The following C19orf38 variants were observed in gnomAD, a reference collection of about 807,000 sequenced individuals.
C19orf38 encodes protein HIDE1.
A neutral mutation model predicts 26.6 loss-of-function variants in C19orf38; 14 were observed. The ratio of observed to expected loss-of-function variants is 0.53; its 90% CI spans 0.35 to 0.82. C19orf38 has a LOEUF of 0.82. C19orf38 is among the 40% of genes least tolerant of loss of function. C19orf38 has a pLI of 0.01. For missense variants in C19orf38, 261 were observed against 299.5 expected (o/e 0.87, Z 0.95); for synonymous variants, 132 against 128.5 (o/e 1.03, Z -0.18).
intron 2 of C19orf38, among the ~76,000 whole-genome samples, chr19:10,851,697 G>A (rs889601089): frequency 1.3e-5 from 2 of 151,998 alleles, no homozygotes; most frequent in African/African-American, 4.8e-5. Flanking sequence ...GGCTGGGCGT[G>A]GTGGCTCACG....
At chr19:10,850,708 A>G (rs2073564090) in intron 2 of C19orf38, 141 bp downstream of exon 2, 6 of 955,984 alleles carry the variant, frequency 6.3e-6, no homozygotes, top group African/African-American at 3.3e-5. Flanking sequence ...TCCTTTTTCA[A>G]TCTTCTCAGC....
chr19:10,859,841 G>A, intron 4 of C19orf38, 74 bp from the exon 5 acceptor site: 3 of 1,412,672 alleles, frequency 2.1e-6, no homozygotes, highest in Non-Finnish European at 2.9e-6. Flanking sequence ...TTGGGGCCAG[G>A]GCTTTCCCGA....
At position 10,869,413 on chromosome 19, in the gene C19orf38, T is replaced by C. The variant is rs1453453564; in HGVS notation, c.*46T>C. ...CTCTGTCTCCAGGCATTCGGGGGCC[T>C]GAGGTCCCTCCAGCTACTTCTGGGG... On this transcript the variant is annotated 3_prime_UTR_variant, in exon 7 of 7. Transcript: ENST00000397820. The C allele has an allele frequency of 2.0e-6, 3 of 1,509,636 alleles. No homozygotes were observed. The highest frequency in any genetic ancestry group is 2.5e-5 in the South Asian group (2 of 80,168). 93.5% of individuals were successfully genotyped at this position (1,509,636 alleles called of 1,614,324 possible). A position where few individuals can be genotyped will look rare whatever the true frequency, so the allele number is the denominator to read the frequency against.
chr19:10,867,259 C>CCTCTGATGACTG (rs140143487), intron 6 of C19orf38, among the ~76,000 whole-genome samples: 32,389 of 151,624 alleles, frequency 0.21, 3,690 homozygotes, highest in Middle Eastern at 0.31. Context: ...TGGCCTGTTT[C>CCTCTGATGACTG]GCTGAGCTTG....
At chr19:10,856,186 G>C in intron 2 of C19orf38, 79 bp from the exon 3 acceptor site, 6 of 1,124,984 alleles carry the variant, frequency 5.3e-6, no homozygotes, top group Non-Finnish European at 7.8e-6. Context: ...TGGGGGTTAT[G>C]GGGTAAGGGC....
chr19:10,866,357 AT>A (rs71164128), intron 6 of C19orf38, among the ~76,000 whole-genome samples: 4,879 of 125,642 alleles, frequency 0.039, 271 homozygotes, highest in East Asian at 0.34. Flanking sequence ...TGCCCAGCTA[AT>A]TTTTTTTTTT....
intron 2 of C19orf38, among the ~76,000 whole-genome samples, chr19:10,851,871 G>C (rs938810829): frequency 2.0e-5 from 3 of 151,802 alleles, no homozygotes; most frequent in Non-Finnish European, 4.4e-5. Flanking sequence ...GGGAGGCTGA[G>C]GCAGGAGAAT....
chr19:10,843,963 A>G (rs2073496762), upstream of C19orf38, among the ~76,000 whole-genome samples: 1 of 152,090 alleles, frequency 6.6e-6, no homozygotes, highest in Non-Finnish European at 1.5e-5. Flanking sequence ...AAATCCAAAA[A>G]TTAGCCAGCC....
At chr19:10,850,647 G>A in intron 2 of C19orf38, 80 bp downstream of exon 2, 2 of 1,443,762 alleles carry the variant, frequency 1.4e-6, no homozygotes, top group Non-Finnish European at 1.9e-6. Flanking sequence ...TTGACTCAGA[G>A]GCCTTCCCAG....
intron 1 of C19orf38, among the ~76,000 whole-genome samples, chr19:10,841,441 C>G (rs1030126077): frequency 6.6e-6 from 1 of 151,014 alleles, no homozygotes; most frequent in Non-Finnish European, 1.5e-5. Flanking sequence ...CATGATTGGC[C>G]CACTACACTC....
intron 4 of C19orf38, among the ~76,000 whole-genome samples, chr19:10,859,375 TA>T (rs1568337647): frequency 4.7e-4 from 20 of 42,774 alleles, no homozygotes; most frequent in African/African-American, 2.2e-3. Context: ...TATATATATA[TA>T]TATATATATT....
upstream of C19orf38, among the ~76,000 whole-genome samples, chr19:10,844,536 C>A (rs1010772226): frequency 6.7e-6 from 1 of 150,052 alleles, no homozygotes; most frequent in East Asian, 2.0e-4. Flanking sequence ...CATAGCAAGA[C>A]CCTGTCTCTG....
At chr19:10,851,423 C>T (rs1190640018) in intron 2 of C19orf38, among the ~76,000 whole-genome samples, 1 of 151,628 alleles carries the variant, frequency 6.6e-6, no homozygotes, top group Non-Finnish European at 1.5e-5. Flanking sequence ...TCACTTCATC[C>T]TCCAATTCCT....
At chr19:10,869,160 C>T (rs1193336928) in intron 6 of C19orf38, 58 bp from the exon 7 acceptor site, 2 of 1,542,968 alleles carry the variant, frequency 1.3e-6, no homozygotes, top group Non-Finnish European at 8.8e-7. Flanking sequence ...CATGGAGAAA[C>T]CCTAGATCCT....
chr19:10,845,151 C>T (rs1000480887), upstream of C19orf38, among the ~76,000 whole-genome samples: 1 of 150,660 alleles, frequency 6.6e-6, no homozygotes, highest in African/African-American at 2.4e-5. Context: ...GAAAGCAAGA[C>T]CTTGTCTCCA....
At chr19:10,856,412 T>C (rs1286378941) in intron 3 of C19orf38, 55 bp downstream of exon 3, 2 of 1,411,590 alleles carry the variant, frequency 1.4e-6, no homozygotes, top group Non-Finnish European at 2.0e-6. Context: ...TTCTGGAACG[T>C]GAAGATGTGC....
chr19:10,858,940 T>A (rs965172057), intron 4 of C19orf38, among the ~76,000 whole-genome samples: 10 of 150,318 alleles, frequency 6.7e-5, no homozygotes, highest in African/African-American at 2.4e-4. Context: ...ATATATGTTT[T>A]TTTTTTTTTT....
At chr19:10,857,808 G>A (rs2073644830) in intron 3 of C19orf38, among the ~76,000 whole-genome samples, 1 of 151,540 alleles carries the variant, frequency 6.6e-6, no homozygotes, top group Non-Finnish European at 1.5e-5. Flanking sequence ...TTGAACCTGG[G>A]AGGCAGAGGT....
intron 1 of C19orf38, among the ~76,000 whole-genome samples, chr19:10,842,411 C>A (rs542572285): frequency 1.3e-5 from 2 of 152,184 alleles, no homozygotes; most frequent in East Asian, 3.9e-4. Context: ...CAGGTGCCCG[C>A]CACCATGCCT....
Sources: allele counts gnomAD v4.1 joint callset (sites outside exome capture counted in the v4.1 genomes callset), GRCh38; gene constraint gnomAD v4.1.1; transcripts MANE v1.5; gene names NCBI Gene and HGNC (gene_info 2026-07-23, HGNC 2026-07-21).